TLN1: variants seen among roughly 807,000 people sequenced by gnomAD.
TLN1 encodes the protein talin 1.
TLN1 carries 56 observed loss-of-function variants against 292.3 expected under a neutral mutation model. The ratio of observed to expected loss-of-function variants is 0.19; its 90% CI spans 0.15 to 0.24. The LOEUF is 0.24. Among genes scored for constraint, TLN1 ranks in the 10% least tolerant of loss-of-function variants. The pLI, the probability that TLN1 is intolerant of heterozygous loss-of-function variation, is 1.00. For synonymous variants in TLN1, 1,119 were observed against 1,253.7 expected (o/e 0.89, Z 2.27); for missense variants, 2,433 against 3,248.2 (o/e 0.75, Z 6.10).
chr9:35,712,604 C>T (rs1400286906), intron 27 of TLN1, among the ~76,000 whole-genome samples: 4 of 149,234 alleles, frequency 2.7e-5, no homozygotes, highest in Non-Finnish European at 4.4e-5. Context: ...GCCGAAATTG[C>T]GCCATTGCAC....
At position 35,719,001 on chromosome 9, in the gene TLN1, T is replaced by G; in HGVS notation, c.1896+73A>C. 8 of 1,596,588 alleles carry G rather than the reference T, an allele frequency of 5.0e-6. No individual in the cohort carries two copies. Among genetic ancestry groups the G allele is most frequent in the African/African-American group, 1.3e-5 (1 of 74,686 alleles). On this transcript the variant is annotated intron_variant, in intron 16 of 56. Transcript: ENST00000314888. The surrounding 1 kb of genome is among the most constrained non-coding windows in gnomAD (Gnocchi z 4.6). ...GCCCACGGGACCCAGGCTTCCATCC[T>G]GTGGCTTGGACTGCCCCTTCTCCTT...
chr9:35,714,094 A>C lies in TLN1; in HGVS notation c.3121-13T>G, dbSNP rs1352051496. The C allele has an allele frequency of 6.2e-7, 1 of 1,613,830 alleles. No individual in the cohort carries two copies. On this transcript the variant is annotated splice_polypyrimidine_tract_variant and intron_variant, in intron 24 of 56. Coordinates refer to ENST00000314888, the MANE Select transcript of TLN1 (RefSeq NM_006289.4). This position sits in a 1 kb window ranked among gnomAD's most constrained non-coding sequence, Gnocchi z 4.6. Reference sequence around the variant, plus strand: ...ATGCTTCCTGAGCCTATGATAAGAAAGGGGTTTTGGGTGTAGAAGGTCCTG... The same window carrying C: ...ATGCTTCCTGAGCCTATGATAAGAACGGGGTTTTGGGTGTAGAAGGTCCTG...
intron 33 of TLN1, among the ~76,000 whole-genome samples, chr9:35,709,530 G>T (rs1166854497): frequency 6.6e-6 from 1 of 152,132 alleles, no homozygotes; most frequent in Non-Finnish European, 1.5e-5. Flanking sequence ...TTGATAATGT[G>T]GGAAAAGGCA....
At chr9:35,716,289 C>T in intron 20 of TLN1, 101 bp downstream of exon 20, 2 of 1,344,324 alleles carry the variant, frequency 1.5e-6, no homozygotes, top group Admixed American at 2.3e-5. Context: ...CTTGTGTTTT[C>T]TGCTTTTCCT....
Position 35,700,039 on chromosome 9 carries a change from G to C in TLN1, c.6703C>G (p.Arg2235Gly). 1 of 1,613,478 alleles carries C rather than the reference G, an allele frequency of 6.2e-7. No individual in the cohort carries two copies. The highest frequency in any genetic ancestry group is 8.5e-7 in the Non-Finnish European group (1 of 1,179,598). ...CACTCCCGGCCATAGTGCAGGGCTC[G>C]AAGCCGCACATCAGGGGCCACTTCT... ...HPEVAPDVRL[R>G]ALHYGRECAN... Residue 2235 changes from arginine (R) to glycine (G), a missense_variant, in exon 50 of 57, where the codon CGA (arginine) becomes GGA (glycine). Coordinates refer to ENST00000314888, the MANE Select transcript of TLN1 (RefSeq NM_006289.4).
At chr9:35,709,219 C>T (rs1477170793) in intron 33 of TLN1, among the ~76,000 whole-genome samples, 1 of 152,090 alleles carries the variant, frequency 6.6e-6, no homozygotes, top group African/African-American at 2.4e-5. Context: ...CACTTGAACC[C>T]GGGAGGCGGA....
chr9:35,710,771 T>A, intron 32 of TLN1, 26 bp downstream of exon 32: 1 of 1,614,046 alleles, frequency 6.2e-7, no homozygotes, highest in African/African-American at 1.3e-5. Context: ...CTGCCCTCTC[T>A]CCTCCGAGTT....
chr9:35,720,321 T>C, intron 12 of TLN1, 102 bp from the exon 13 acceptor site: 1 of 1,535,848 alleles, frequency 6.5e-7, no homozygotes, highest in Admixed American at 1.9e-5. Context: ...CACTACAGCC[T>C]GCAACTAGTT....
At chr9:35,728,168 A>T (rs1037486277) in intron 1 of TLN1, among the ~76,000 whole-genome samples, 1 of 152,176 alleles carries the variant, frequency 6.6e-6, no homozygotes, top group African/African-American at 2.4e-5. Context: ...CAGGAGGTCA[A>T]ATCCCAGCAA....
chr9:35,699,726 G>T lies in TLN1; in HGVS notation c.6768+248C>A. 1.0e-6 allele frequency: 1 copy of T among 978,648 alleles called. No homozygotes were observed. The highest frequency in any genetic ancestry group is 1.2e-6 in the Non-Finnish European group (1 of 823,812). The allele number at this position is 978,648 out of a possible 1,614,324, so 60.6% of individuals were successfully genotyped here. ...AGGAGACGACGAAAGTAGAGAAGGG[G>T]GTGGTCAGGTGGGAAGGGAGGAGAA... On this transcript the variant is annotated intron_variant, in intron 50 of 56. Coordinates refer to ENST00000314888, the MANE Select transcript of TLN1 (RefSeq NM_006289.4). The surrounding 1 kb of genome is among the most constrained non-coding windows in gnomAD (Gnocchi z 4.0).
Position 35,711,301 on chromosome 9 carries a change from C to G in TLN1, c.3973G>C (p.Asp1325His). The G allele has an allele frequency of 1.2e-6, 2 of 1,614,176 alleles. No individual in the cohort carries two copies. Among genetic ancestry groups the G allele is most frequent in the Non-Finnish European group, 1.7e-6 (2 of 1,180,034 alleles). The change falls in exon 30 of 57, where the codon GAC (aspartate) becomes CAC (histidine). Residue 1325 changes from aspartate to histidine, a missense_variant. By Grantham distance (81) the Asp-to-His change is moderately conservative (BLOSUM62 -1). Transcript: ENST00000314888. The stretch of plus-strand genomic sequence containing the variant: ...CTCTTGAGGTTAGGGGCAGCAGGGT[C>G]CGTGGACAGGGCCTTGGCAGCCAGA... ...LLLAAKALST[D>H]PAAPNLKSQL...
rs201563518 is a variant in TLN1 at position 35,700,292 on chromosome 9, C to A, written c.6559G>T (p.Ala2187Ser). 4.3e-6 allele frequency: 7 copies of A among 1,613,644 alleles called. No homozygotes were observed. Among genetic ancestry groups the A allele is most frequent in the South Asian group, 1.1e-5 (1 of 91,082 alleles). The change falls in exon 49 of 57, where the codon GCC becomes TCC. Residue 2187 changes from alanine (A) to serine (S), a missense_variant. Transcript: ENST00000314888. ...RMTKGITMATAKAVAAGNSCR... is the reference protein window; with the variant it reads ...RMTKGITMATSKAVAAGNSCR... ...GAATTGCCAGCAGCAACGGCCTTGG[C>A]GGTTGCCATGGTGATACCCTTGGTC...
chr9:35,720,345 A>G (rs772838594), intron 12 of TLN1, 88 bp downstream of exon 12: 29 of 1,555,680 alleles, frequency 1.9e-5, no homozygotes, highest in Non-Finnish European at 2.5e-5. Flanking sequence ...GAACCATTCT[A>G]AGGACTCCCC....
chr9:35,720,436 T>A lies in TLN1; in HGVS notation c.1280A>T (p.Lys427Ile), dbSNP rs776494903. ...STMLEDSVSP[K>I]KSTVLQQQYN... ...ATCAGCCCAACTCCCTTCGTACTTT[T>A]TGGGGGACACTGAGTCCTCCAGCAT... Residue 427 changes from lysine (K) to isoleucine (I), a missense_variant, in exon 12 of 57, where the codon AAA (lysine) becomes ATA (isoleucine). Coordinates refer to ENST00000314888, the MANE Select transcript of TLN1 (RefSeq NM_006289.4). 2 of 1,614,052 alleles carry A rather than the reference T, an allele frequency of 1.2e-6. No individual in the cohort carries two copies.
rs1257436448 is a variant in TLN1, at chr9:35,706,390, G to A, written c.5191-24C>T. 1 of 1,611,986 alleles carries A rather than the reference G, an allele frequency of 6.2e-7. No individual in the cohort carries two copies. The highest frequency in any genetic ancestry group is 8.5e-7 in the Non-Finnish European group (1 of 1,178,846). On this transcript the variant is annotated intron_variant, in intron 39 of 56. Coordinates refer to ENST00000314888, the MANE Select transcript of TLN1 (RefSeq NM_006289.4). This position sits in a 1 kb window ranked among gnomAD's most constrained non-coding sequence, Gnocchi z 4.2. ...ACCTGAGGCAAGGGGTTGGACTAGG[G>A]GTCAGGTCCCCTCTCTCTCACCCTA... is the stretch of plus-strand genomic sequence containing the variant.
Position 35,722,232 on chromosome 9 carries a change from A to C in TLN1, c.844-9T>G. ...CCACAATTCTTGTGTGCCTGTGCATAAAATGGGGAAGAATTTAGCAAAGAG... is the reference window on the plus strand; with the variant it reads ...CCACAATTCTTGTGTGCCTGTGCATCAAATGGGGAAGAATTTAGCAAAGAG... On this transcript the variant is annotated splice_polypyrimidine_tract_variant and intron_variant, in intron 8 of 56. Coordinates refer to ENST00000314888, the MANE Select transcript of TLN1 (RefSeq NM_006289.4). The C allele has an allele frequency of 6.2e-7, 1 of 1,612,422 alleles. No individual in the cohort carries two copies. Among genetic ancestry groups the C allele is most frequent in the Non-Finnish European group, 8.5e-7 (1 of 1,178,394 alleles).
chr9:35,704,895 G>T lies in TLN1; in HGVS notation c.5734-80C>A. 1 of 1,455,824 alleles carries T rather than the reference G, an allele frequency of 6.9e-7. No individual in the cohort carries two copies. The highest frequency in any genetic ancestry group is 9.2e-7 in the Non-Finnish European group (1 of 1,089,760). 90.2% of individuals were successfully genotyped at this position (1,455,824 alleles called of 1,614,324 possible). On this transcript the variant is annotated intron_variant, in intron 43 of 56. Coordinates refer to ENST00000314888, the MANE Select transcript of TLN1 (RefSeq NM_006289.4). The surrounding 1 kb of genome is among the most constrained non-coding windows in gnomAD (Gnocchi z 6.9). ...CACTGTGCTTGGAAAAGTCACTAAG[G>T]ACATAGAAAAAAACATGCATTGTAG...
rs766235999 is a variant in TLN1, at chr9:35,720,001, G to C, written c.1464+38C>G. The C allele has an allele frequency of 2.5e-6, 4 of 1,579,854 alleles. No individual in the cohort carries two copies. The African/African-American group carries it at 4.1e-5, about 16-fold the overall frequency. ...TGGCTCGGCCCAGCTGAGGGTGAGA[G>C]AAGGGCCCTGGCACCGTGGTGGAAG... On this transcript the variant is annotated intron_variant, in intron 13 of 56. Coordinates refer to ENST00000314888, the MANE Select transcript of TLN1 (RefSeq NM_006289.4).
chr9:35,722,610 G>A (rs1414434404), intron 8 of TLN1, among the ~76,000 whole-genome samples: 1 of 152,174 alleles, frequency 6.6e-6, no homozygotes, highest in Non-Finnish European at 1.5e-5. Context: ...GGCAAGTACT[G>A]TTATCCCAAA....
Sources: allele counts gnomAD v4.1 joint callset (sites outside exome capture counted in the v4.1 genomes callset), GRCh38; gene constraint gnomAD v4.1.1; non-coding constraint Gnocchi (gnomAD v3.1); transcripts MANE v1.5; gene names NCBI Gene and HGNC (gene_info 2026-07-23, HGNC 2026-07-21).